Variants in ZC3H14 observed in about 807,000 individuals in gnomAD.
The protein encoded by ZC3H14 is zinc finger CCCH-type containing 14.
ZC3H14 carries 31 observed loss-of-function variants against 92.4 expected under a neutral mutation model. That is an observed-to-expected ratio of 0.34 (90% CI 0.25 to 0.45). The LOEUF is 0.45. Ranked by LOEUF, ZC3H14 falls within the 20% of genes least tolerant of loss-of-function variation. ZC3H14 has a pLI of 1.00. For synonymous variants in ZC3H14, 321 were observed against 300.9 expected, an observed-to-expected ratio of 1.07 and a Z score of -0.69; for missense variants, 781 against 897.3, an observed-to-expected ratio of 0.87 and a Z score of 1.66.
At chr14:88,597,943 T>C (rs1566958719) in intron 10 of ZC3H14, among the ~76,000 whole-genome samples, 1 of 152,172 alleles carries the variant, frequency 6.6e-6, no homozygotes, top group Non-Finnish European at 1.5e-5. Flanking sequence ...ATCACATTTT[T>C]TATTCTAAGA....
Position 88,615,997 on chromosome 14 carries a change from T to G in ZC3H14, c.*4246T>G, listed in dbSNP as rs145229922. On this transcript the variant is annotated 3_prime_UTR_variant, in exon 17 of 17. Coordinates refer to ENST00000251038, the MANE Select transcript of ZC3H14 (RefSeq NM_024824.5). ...CTTTTATTCTGTATTTGCATAAATA[T>G]GAGATTCTGAAGAGCCATCTGGTTA... The G allele has an allele frequency of 6.8e-4, 856 of 1,267,300 alleles. 11 individuals carry two copies. The East Asian group carries it at 0.019, about 28-fold the overall frequency. 78.5% of individuals were successfully genotyped at this position (1,267,300 alleles called of 1,614,324 possible).
intron 9 of ZC3H14, among the ~76,000 whole-genome samples, chr14:88,593,913 A>G (rs1367025383): frequency 2.0e-5 from 3 of 151,766 alleles, no homozygotes; most frequent in African/African-American, 7.2e-5. Context: ...AAAAGACAAC[A>G]AAATGGGAGA....
intron 12 of ZC3H14, among the ~76,000 whole-genome samples, chr14:88,605,298 AC>A (rs753913866): frequency 2.1e-4 from 32 of 152,146 alleles, no homozygotes; most frequent in Non-Finnish European, 3.7e-4. Context: ...TTTCTTTGGA[AC>A]CGATTATTCT....
chr14:88,600,644 G>A (rs961041767), intron 10 of ZC3H14, among the ~76,000 whole-genome samples: 1 of 151,932 alleles, frequency 6.6e-6, no homozygotes, highest in Non-Finnish European at 1.5e-5. Flanking sequence ...TTGATGGGAG[G>A]TCTCACTATG....
At chr14:88,601,139 T>C (rs780392135) in intron 10 of ZC3H14, among the ~76,000 whole-genome samples, 11 of 152,190 alleles carry the variant, frequency 7.2e-5, no homozygotes, top group Non-Finnish European at 1.2e-4. Context: ...TGTATATGTG[T>C]CTGTTTTTCT....
chr14:88,616,546 A>G lies in ZC3H14; in HGVS notation c.*4795A>G. 1 of 636,060 alleles carries G rather than the reference A, an allele frequency of 1.6e-6. No individual in the cohort carries two copies. Among genetic ancestry groups the G allele is most frequent in the Non-Finnish European group, 2.7e-6 (1 of 376,438 alleles). The allele number at this position is 636,060 out of a possible 1,614,324, so 39.4% of individuals were successfully genotyped here. A position where few individuals can be genotyped will look rare whatever the true frequency, so the allele number is the denominator to read the frequency against. The stretch of plus-strand genomic sequence containing the variant: ...TTTGTAGGATGGTTCCAAAGATGGT[A>G]TTACTCGAGGGAGAGGATTTGTTTC... On this transcript the variant is annotated 3_prime_UTR_variant, in exon 17 of 17. Coordinates refer to ENST00000251038, the MANE Select transcript of ZC3H14 (RefSeq NM_024824.5).
chr14:88,580,700 T>C (rs533933621), intron 9 of ZC3H14, among the ~76,000 whole-genome samples: 1 of 152,282 alleles, frequency 6.6e-6, no homozygotes, highest in South Asian at 2.1e-4. Flanking sequence ...AGTGAAAACA[T>C]GTTTGAAACT....
At chr14:88,609,082 C>A (rs2086102563) in intron 13 of ZC3H14, 185 bp from the exon 14 acceptor site, 1 of 720,106 alleles carries the variant, frequency 1.4e-6, no homozygotes. Context: ...TTATCCCAAG[C>A]TTTGGAATAA....
At chr14:88,593,043 A>T (rs1304686383) in intron 9 of ZC3H14, among the ~76,000 whole-genome samples, 1 of 140,752 alleles carries the variant, frequency 7.1e-6, no homozygotes, top group Non-Finnish European at 1.5e-5. Flanking sequence ...ATCTCTGCTT[A>T]TTCAGTCTCT....
Position 88,596,726 on chromosome 14 carries a change from T to C in ZC3H14, c.1280-8T>C. 2 of 1,613,510 alleles carry C rather than the reference T, an allele frequency of 1.2e-6. No homozygotes were observed. Among genetic ancestry groups the C allele is most frequent in the East Asian group, 2.2e-5 (1 of 44,860 alleles). On this transcript the variant is annotated splice_polypyrimidine_tract_variant and splice_region_variant and intron_variant, in intron 9 of 16. Transcript: ENST00000251038. Reference sequence around the variant, plus strand: ...AAGCTTAGTGAAGTTTTAAAATTTATATTCTAGGAACTCAACAGAGGCAAT... The same window carrying C: ...AAGCTTAGTGAAGTTTTAAAATTTACATTCTAGGAACTCAACAGAGGCAAT...
At chr14:88,572,368 A>T (rs1415952054) in intron 5 of ZC3H14, 143 bp downstream of exon 5, 1 of 1,103,564 alleles carries the variant, frequency 9.1e-7, no homozygotes, top group African/African-American at 1.6e-5. Context: ...GAATAAAATA[A>T]TGGATAAGAT....
At chr14:88,594,748 C>T (rs1280376619) in intron 9 of ZC3H14, 1 of 1,613,876 alleles carries the variant, frequency 6.2e-7, no homozygotes, top group Non-Finnish European at 8.5e-7. Flanking sequence ...TTCAAAGTTT[C>T]CATCACCACC....
Position 88,603,092 on chromosome 14 carries a change from G to A in ZC3H14, c.1747+32G>A, listed in dbSNP as rs2084878341. 8 of 1,600,170 alleles carry A rather than the reference G, an allele frequency of 5.0e-6. No individual in the cohort carries two copies. The East Asian group carries it at 1.6e-4, about 31-fold the overall frequency. Reference sequence around the variant, plus strand: ...TGAGAGCTCAGATTTTCAGGGTGCTGTCATTGTGAAGGGAATCTTTGACTT... The same window carrying A: ...TGAGAGCTCAGATTTTCAGGGTGCTATCATTGTGAAGGGAATCTTTGACTT... On this transcript the variant is annotated intron_variant, in intron 12 of 16. Coordinates refer to ENST00000251038, the MANE Select transcript of ZC3H14 (RefSeq NM_024824.5).
Position 88,624,939 on chromosome 14 carries a change from T to C in ZC3H14, c.*13188T>C. On this transcript the variant is annotated 3_prime_UTR_variant, in exon 17 of 17. Transcript: ENST00000251038. Reference sequence around the variant, plus strand: ...AAACCTCAGGTAGGTCACAAATGCATAAATATTCTGTGAAAAGAAAGAGGA... The same window carrying C: ...AAACCTCAGGTAGGTCACAAATGCACAAATATTCTGTGAAAAGAAAGAGGA... The C allele has an allele frequency of 6.2e-7, 1 of 1,610,394 alleles. No individual in the cohort carries two copies. The highest frequency in any genetic ancestry group is 8.5e-7 in the Non-Finnish European group (1 of 1,178,112).
chr14:88,594,835 G>A, intron 9 of ZC3H14: 1 of 1,614,054 alleles, frequency 6.2e-7, no homozygotes, highest in Admixed American at 1.7e-5. Flanking sequence ...GAATGAGCTA[G>A]ACAATATTTC....
chr14:88,569,980 C>T (rs746414591), intron 3 of ZC3H14, among the ~76,000 whole-genome samples: 2 of 152,142 alleles, frequency 1.3e-5, no homozygotes, highest in Non-Finnish European at 2.9e-5. Flanking sequence ...GGTCTTTTGA[C>T]TGGGAAAATT....
At chr14:88,564,720 A>G (rs1044619524) in intron 2 of ZC3H14, among the ~76,000 whole-genome samples, 6 of 152,234 alleles carry the variant, frequency 3.9e-5, no homozygotes, top group African/African-American at 1.2e-4. Context: ...TTTTGAGCCA[A>G]TTACACTTAA....
At chr14:88,609,863 C>T in intron 15 of ZC3H14, 60 bp downstream of exon 15, 1 of 1,561,012 alleles carries the variant, frequency 6.4e-7, no homozygotes. Context: ...CCTCATTTAA[C>T]TTCTTTTTTG....
chr14:88,575,694 G>A, intron 7 of ZC3H14, 146 bp from the exon 8 acceptor site: 1 of 619,990 alleles, frequency 1.6e-6, no homozygotes, highest in Admixed American at 3.0e-5. Flanking sequence ...AAAAAAATAA[G>A]GTTCCAGTGT....
Sources: gnomAD v4.1 joint callset for allele counts (sites outside exome capture counted in the v4.1 genomes callset) on GRCh38, gnomAD v4.1.1 for gene constraint, MANE v1.5 for transcripts, NCBI Gene and HGNC (gene_info 2026-07-23, HGNC 2026-07-21) for gene names.